Variants in KIAA1217 observed in about 807,000 individuals in gnomAD.
KIAA1217 encodes the protein KIAA1217.
A neutral mutation model predicts 163.9 loss-of-function variants in KIAA1217; 88 were observed. The observed-to-expected ratio is 0.54, with a 90% confidence interval of 0.45 to 0.64. KIAA1217 has a LOEUF of 0.64. Among genes scored for constraint, KIAA1217 ranks in the 30% least tolerant of loss-of-function variants. The probability of loss-of-function intolerance (pLI) is 0.00; values close to 1 mark genes in which losing one functional copy is unlikely to be tolerated. For synonymous variants in KIAA1217, 903 were observed against 923.1 expected (o/e 0.98, Z 0.39); for missense variants, 2,372 against 2,475.0 (o/e 0.96, Z 0.88).
chr10:24,330,507 A>G (rs2045535893), intron 2 of KIAA1217, among the ~76,000 whole-genome samples: 1 of 152,198 alleles, frequency 6.6e-6, no homozygotes, highest in South Asian at 2.1e-4. Context: ...CAGAGAATCC[A>G]TACATAGGCT....
chr10:24,406,507 A>G (rs375012749), intron 3 of KIAA1217, among the ~76,000 whole-genome samples: 26 of 152,272 alleles, frequency 1.7e-4, no homozygotes, highest in East Asian at 9.7e-4. Context: ...AGGTTAAAAT[A>G]AAAGAAACCT....
chr10:24,088,218 C>G (rs906672269), intron 2 of KIAA1217, among the ~76,000 whole-genome samples: 1 of 114,054 alleles, frequency 8.8e-6, no homozygotes, highest in Admixed American at 8.6e-5. Flanking sequence ...AGGAACATCC[C>G]AAACTTGTGT....
chr10:24,481,459 C>T (rs1390206066), intron 6 of KIAA1217: 1 of 152,116 alleles, frequency 6.6e-6, no homozygotes, highest in Non-Finnish European at 1.5e-5. Flanking sequence ...GAGAAGGGGA[C>T]ATGCCAAGTC....
intron 3 of KIAA1217, among the ~76,000 whole-genome samples, chr10:24,398,820 T>C (rs765792418): frequency 6.6e-5 from 10 of 152,206 alleles, no homozygotes; most frequent in Non-Finnish European, 1.3e-4. Flanking sequence ...AAGATCATGC[T>C]TTGCCATTTT....
At chr10:24,311,194 A>C (rs1219618557) in intron 2 of KIAA1217, among the ~76,000 whole-genome samples, 1 of 152,186 alleles carries the variant, frequency 6.6e-6, no homozygotes, top group Non-Finnish European at 1.5e-5. Context: ...TGTGTTCTGC[A>C]CACGTGATGC....
intron 6 of KIAA1217, among the ~76,000 whole-genome samples, chr10:24,488,242 A>G (rs373218981): frequency 3.3e-4 from 50 of 152,226 alleles, no homozygotes; most frequent in African/African-American, 1.2e-3. Context: ...TAGGGGTTGT[A>G]AGTATGGATG....
At chr10:23,901,352 T>C (rs1040760068) in intron 1 of KIAA1217, among the ~76,000 whole-genome samples, 2 of 152,100 alleles carry the variant, frequency 1.3e-5, no homozygotes, top group African/African-American at 4.8e-5. Flanking sequence ...AAAAATTCCA[T>C]AGTAATACAG....
chr10:23,876,289 T>C (rs1840690688), intron 1 of KIAA1217, among the ~76,000 whole-genome samples: 1 of 151,396 alleles, frequency 6.6e-6, no homozygotes, highest in Non-Finnish European at 1.5e-5. Context: ...TGGGTACTCA[T>C]AGACATAAAG....
At chr10:23,875,435 G>A (rs1211589580) in intron 1 of KIAA1217, among the ~76,000 whole-genome samples, 2 of 151,908 alleles carry the variant, frequency 1.3e-5, no homozygotes, top group African/African-American at 2.4e-5. Flanking sequence ...AGAGTGGTTG[G>A]CCTCTATTTT....
At chr10:23,990,525 G>T (rs573706985) in intron 1 of KIAA1217, among the ~76,000 whole-genome samples, 2 of 152,044 alleles carry the variant, frequency 1.3e-5, no homozygotes, top group East Asian at 3.9e-4. Context: ...AGTTTCTGTG[G>T]GTGCTCCTCC....
intron 6 of KIAA1217, among the ~76,000 whole-genome samples, chr10:24,484,241 A>ATTTTT (rs59233394): frequency 1.1e-4 from 8 of 75,154 alleles, no homozygotes; most frequent in Admixed American, 1.8e-4. Context: ...ATATATATAT[A>ATTTTT]TTTTTTTTTT....
chr10:24,495,944 G>A (rs567795863), intron 8 of KIAA1217, among the ~76,000 whole-genome samples: 4 of 152,338 alleles, frequency 2.6e-5, no homozygotes, highest in Non-Finnish European at 1.5e-5. Flanking sequence ...CTAGTATCCA[G>A]GTCTTTGCAA....
chr10:23,898,444 A>G (rs1030046499), intron 1 of KIAA1217, among the ~76,000 whole-genome samples: 3 of 151,942 alleles, frequency 2.0e-5, no homozygotes, highest in African/African-American at 7.2e-5. Flanking sequence ...CATTTCACAA[A>G]ATCACCTTAC....
intron 1 of KIAA1217, among the ~76,000 whole-genome samples, chr10:23,698,968 C>T (rs1836226983): frequency 6.6e-6 from 1 of 152,280 alleles, no homozygotes. Context: ...TAGGCACAGC[C>T]TCCTGCCTCA....
intron 2 of KIAA1217, among the ~76,000 whole-genome samples, chr10:24,175,873 G>A (rs1045095556): frequency 6.6e-6 from 1 of 152,148 alleles, no homozygotes; most frequent in African/African-American, 2.4e-5. Flanking sequence ...CTGGCCTCAG[G>A]AGTGAAACTG....
chr10:24,108,196 G>A (rs371023327), intron 2 of KIAA1217, among the ~76,000 whole-genome samples: 1 of 152,280 alleles, frequency 6.6e-6, no homozygotes, highest in East Asian at 1.9e-4. Flanking sequence ...TGTTTATAAT[G>A]GAAAGAAATC....
chr10:24,346,569 T>C (rs1179767438), intron 2 of KIAA1217, among the ~76,000 whole-genome samples: 4 of 96,832 alleles, frequency 4.1e-5, no homozygotes, highest in Non-Finnish European at 6.4e-5. Context: ...TTGTTGGCCC[T>C]TTTTTTTTTT....
chr10:24,087,761 G>A (rs76820525), intron 2 of KIAA1217, among the ~76,000 whole-genome samples: 1 of 152,100 alleles, frequency 6.6e-6, no homozygotes, highest in Non-Finnish European at 1.5e-5. Context: ...TTCCATCGTG[G>A]TAGTCTTCTT....
chr10:24,385,291 T>A (rs2053858820), intron 3 of KIAA1217, among the ~76,000 whole-genome samples: 1 of 152,188 alleles, frequency 6.6e-6, no homozygotes, highest in South Asian at 2.1e-4. Flanking sequence ...TTCAGTGTAT[T>A]TGGGGGCTGG....
Sources: allele counts gnomAD v4.1 joint callset (sites outside exome capture counted in the v4.1 genomes callset), GRCh38; gene constraint gnomAD v4.1.1; transcripts MANE v1.5; gene names NCBI Gene and HGNC (gene_info 2026-07-23, HGNC 2026-07-21).